TMPRSS11D: variants seen among roughly 807,000 people sequenced by gnomAD.
The protein encoded by TMPRSS11D is transmembrane serine protease 11D.
Under a neutral mutation model 44.4 loss-of-function variants are expected in TMPRSS11D, and 32 were observed. The ratio of observed to expected loss-of-function variants is 0.72; its 90% CI spans 0.54 to 0.97. TMPRSS11D has a LOEUF of 0.97. Among genes scored for constraint, TMPRSS11D ranks in the 50% least tolerant of loss-of-function variants. TMPRSS11D has a pLI of 0.00. For synonymous variants in TMPRSS11D, 179 were observed against 177.9 expected (o/e 1.01, Z -0.05); for missense variants, 446 against 502.6 (o/e 0.89, Z 1.08).
chr4:67,877,943 G>A (rs779733384), intron 1 of TMPRSS11D, among the ~76,000 whole-genome samples: 2 of 152,010 alleles, frequency 1.3e-5, no homozygotes, highest in Non-Finnish European at 1.5e-5. Context: ...AACCATCATG[G>A]CACATGTATA....
intron 1 of TMPRSS11D, 62 bp from the exon 2 acceptor site, chr4:67,859,740 T>C (rs1394011108): frequency 6.3e-7 from 1 of 1,588,954 alleles, no homozygotes; most frequent in African/African-American, 1.3e-5. Flanking sequence ...ATCATTTTAG[T>C]GTTCATGATT....
At chr4:67,881,168 G>T (rs1719312396) in intron 1 of TMPRSS11D, among the ~76,000 whole-genome samples, 1 of 152,146 alleles carries the variant, frequency 6.6e-6, no homozygotes. Flanking sequence ...GATAACTGTA[G>T]GTTCCCTTAC....
intron 2 of TMPRSS11D, among the ~76,000 whole-genome samples, chr4:67,858,277 G>A (rs1718705253): frequency 6.6e-6 from 1 of 152,184 alleles, no homozygotes; most frequent in Admixed American, 6.5e-5. Flanking sequence ...GTCATTTGGG[G>A]GCCATAAGTG....
intron 1 of TMPRSS11D, 137 bp downstream of exon 1, chr4:67,883,789 A>G (rs1378749725): frequency 3.4e-6 from 2 of 584,294 alleles, no homozygotes; most frequent in African/African-American, 1.9e-5. Context: ...AATATCTAAG[A>G]GTTTCGATGA....
At chr4:67,842,460 C>T in intron 4 of TMPRSS11D, 98 bp downstream of exon 4, 2 of 1,111,484 alleles carry the variant, frequency 1.8e-6, no homozygotes, top group Non-Finnish European at 1.3e-6. Context: ...ATTACAACAA[C>T]TTATCTGAAC....
intron 1 of TMPRSS11D, among the ~76,000 whole-genome samples, chr4:67,872,119 A>C (rs1186503516): frequency 1.3e-5 from 2 of 152,144 alleles, no homozygotes; most frequent in African/African-American, 2.4e-5. Context: ...AGTTCTACAA[A>C]GTGTAGTCAT....
rs139219761 is a variant in TMPRSS11D, at chr4:67,834,245, G to C, written c.514+838C>G. Among the ~76,000 whole-genome samples the C allele has an allele frequency of 6.9e-3, 1,045 of 150,782 alleles. 18 individuals are homozygous for C. The highest frequency in any genetic ancestry group is 0.025 in the African/African-American group (1,007 of 41,090). The stretch of plus-strand genomic sequence containing the variant: ...TTTTAAGTAGTGCCCTGGTTTAATA[G>C]CACAACCACCTAAAGGCTTTTTTTT... On this transcript the variant is annotated intron_variant, in intron 6 of 9. Transcript: ENST00000283916.
In TMPRSS11D at chr4:67,822,405, C is replaced by T; in HGVS notation, c.1189G>A (p.Asp397Asn). 1 of 1,613,910 alleles carries T rather than the reference C, an allele frequency of 6.2e-7. No homozygotes were observed. The highest frequency in any genetic ancestry group is 8.5e-7 in the Non-Finnish European group (1 of 1,179,900). Residue 397 changes from aspartate (D) to asparagine (N), a missense_variant, in exon 10 of 10, where the codon GAT (aspartate) becomes AAT (asparagine). Asp to Asn is a conservative substitution (Grantham distance 23, BLOSUM62 1). Transcript: ENST00000283916. ...VSWGDQCGLPDKPGVYTRVTA... is the reference protein window; with the variant it reads ...VSWGDQCGLPNKPGVYTRVTA... ...ACTCGAGTATACACTCCTGGCTTATCCGGCAGGCCACACTGATCTCCCCAG... is the reference window on the plus strand; with the variant it reads ...ACTCGAGTATACACTCCTGGCTTATTCGGCAGGCCACACTGATCTCCCCAG...
chr4:67,872,977 C>T (rs1719099340), intron 1 of TMPRSS11D, among the ~76,000 whole-genome samples: 1 of 152,076 alleles, frequency 6.6e-6, no homozygotes, highest in Non-Finnish European at 1.5e-5. Flanking sequence ...GGTGGAATTA[C>T]AAGTAGTGCA....
Position 67,835,114 on chromosome 4 carries a change from AG to A in TMPRSS11D, c.482del (p.Thr161MetfsTer19). The A allele has an allele frequency of 6.2e-7, 1 of 1,611,266 alleles. No individual in the cohort carries two copies. On this transcript the variant is annotated frameshift_variant, in exon 6 of 10. Transcript: ENST00000283916. LOFTEE classifies it high-confidence loss of function. ...TAAGCCAATTTGCTGCAGCCTGGTC[AG>A]TAAGTGCTAGTATTAAAAAATGAGA... Reference protein sequence around the residue: ...INPSTEITSLTDQAAANWLIN... With the variant: ...INPSTEITSLXDQAAANWLIN...
At chr4:67,849,864 C>A (rs1718450896) in intron 3 of TMPRSS11D, among the ~76,000 whole-genome samples, 1 of 152,088 alleles carries the variant, frequency 6.6e-6, no homozygotes, top group African/African-American at 2.4e-5. Flanking sequence ...CTCATTATAC[C>A]ACTTTCCAGC....
chr4:67,855,858 G>A (rs868521215), intron 2 of TMPRSS11D, among the ~76,000 whole-genome samples: 4 of 152,028 alleles, frequency 2.6e-5, no homozygotes, highest in Middle Eastern at 3.4e-3. Context: ...AAAGTTGCAG[G>A]ATACAAACTC....
chr4:67,856,966 C>T (rs1718652113), intron 2 of TMPRSS11D, among the ~76,000 whole-genome samples: 1 of 151,790 alleles, frequency 6.6e-6, no homozygotes. Flanking sequence ...TTTCTATTAC[C>T]AAAAAGACAG....
chr4:67,853,134 A>C lies in TMPRSS11D; in HGVS notation c.249+934T>G, dbSNP rs373645872. Among the ~76,000 whole-genome samples the C allele has an allele frequency of 1.6e-3, 251 of 152,256 alleles. 7 individuals carry two copies. The South Asian group carries it at 0.051, about 31-fold the overall frequency. On this transcript the variant is annotated intron_variant, in intron 3 of 9. Coordinates refer to ENST00000283916, the MANE Select transcript of TMPRSS11D (RefSeq NM_004262.3). ...AGAAGGTGCTTAGCTAACAAGTTTG[A>C]ATTTTATTTTGTAGGCAAAAAGTCT...
In TMPRSS11D at chr4:67,833,271, C is replaced by T. The variant is rs1387144275; in HGVS notation, c.625G>A (p.Ala209Thr). The change falls in exon 7 of 10, where the codon GCC becomes ACC. Residue 209 changes from alanine to threonine, a missense_variant. Ala to Thr is a moderately conservative substitution (Grantham distance 58). Coordinates refer to ENST00000283916, the MANE Select transcript of TMPRSS11D (RefSeq NM_004262.3). ...ATCAGGCTGCCTCCACAGTGGTGGG[C>T]ATTATTGAGCCGCAGACTGACTTGC... ...PWQVSLRLNN[A>T]HHCGGSLINN... is the part of the protein sequence containing the mutation. 1.9e-6 allele frequency: 3 copies of T among 1,598,044 alleles called. No individual in the cohort carries two copies. The highest frequency in any genetic ancestry group is 2.6e-6 in the Non-Finnish European group (3 of 1,172,968).
chr4:67,882,820 C>A (rs750748629), intron 1 of TMPRSS11D, among the ~76,000 whole-genome samples: 1 of 151,872 alleles, frequency 6.6e-6, no homozygotes, highest in Non-Finnish European at 1.5e-5. Context: ...CCATGTATAG[C>A]TTTACAAAGT....
In TMPRSS11D at chr4:67,854,164, C is replaced by T. The variant is rs766689507; in HGVS notation, c.153G>A (p.Arg51=). 2 of 1,565,492 alleles carry T rather than the reference C, an allele frequency of 1.3e-6. No individual in the cohort carries two copies. The highest frequency in any genetic ancestry group is 1.7e-6 in the Non-Finnish European group (2 of 1,151,018). The change falls in exon 3 of 10, where the codon AGG becomes AGA. Residue 51 remains arginine (R), a synonymous_variant. Transcript: ENST00000283916. ...LAFDQKSYFY[R]SSFQLLNVEY... Reference sequence around the variant, plus strand: ...CAACATTTAGGAGTTGAAAACTGCTCCTATAAAAGTAAGATTTTTGATCTG... The same window carrying T: ...CAACATTTAGGAGTTGAAAACTGCTTCTATAAAAGTAAGATTTTTGATCTG...
chr4:67,867,683 T>C (rs1718958501), intron 1 of TMPRSS11D, among the ~76,000 whole-genome samples: 1 of 152,084 alleles, frequency 6.6e-6, no homozygotes, highest in Non-Finnish European at 1.5e-5. Flanking sequence ...GAATAGACAT[T>C]TCTCAAGAGA....
intron 1 of TMPRSS11D, among the ~76,000 whole-genome samples, chr4:67,880,053 A>G (rs1012017638): frequency 1.3e-5 from 2 of 152,204 alleles, no homozygotes; most frequent in African/African-American, 4.8e-5. Flanking sequence ...GAATTAAACC[A>G]TAAGTTTTTT....
Sources: gnomAD v4.1 joint callset for allele counts (sites outside exome capture counted in the v4.1 genomes callset) on GRCh38, gnomAD v4.1.1 for gene constraint, MANE v1.5 for transcripts, NCBI Gene and HGNC (gene_info 2026-07-23, HGNC 2026-07-21) for gene names.